FOXK1: variants seen among roughly 807,000 people sequenced by gnomAD.
FOXK1 encodes forkhead box protein K1.
FOXK1 carries 19 observed loss-of-function variants against 51.9 expected under a neutral mutation model. That is an observed-to-expected ratio of 0.37 (90% CI 0.26 to 0.54). The LOEUF (loss-of-function observed/expected upper bound fraction) is 0.54, where lower values mean the gene tolerates loss of function less well. Ranked by LOEUF, FOXK1 falls within the 20% of genes least tolerant of loss-of-function variation. The probability of loss-of-function intolerance (pLI) is 0.87; values close to 1 mark genes in which losing one functional copy is unlikely to be tolerated. For synonymous variants in FOXK1, 537 were observed against 482.6 expected (o/e 1.11, Z -1.48); for missense variants, 870 against 1,032.7 (o/e 0.84, Z 2.16).
chr7:4,747,333 C>T lies in FOXK1; in HGVS notation c.746+6310C>T, dbSNP rs537717069. On this transcript the variant is annotated intron_variant, in intron 2 of 8. Transcript: ENST00000328914. The surrounding 1 kb of genome is among the most constrained non-coding windows in gnomAD (Gnocchi z 9.2). The stretch of plus-strand genomic sequence containing the variant: ...GACACGGAGCTGACCCCGGAACCTG[C>T]CTAGCTGCGGGGCCGCCTCTCCGCT... Among the ~76,000 whole-genome samples the T allele has an allele frequency of 3.9e-5, 6 of 152,318 alleles. No individual in the cohort carries two copies. The highest frequency in any genetic ancestry group is 1.4e-4 in the African/African-American group (6 of 41,568).
intron 1 of FOXK1, among the ~76,000 whole-genome samples, chr7:4,689,565 G>A (rs1205558766): frequency 6.6e-6 from 1 of 152,128 alleles, no homozygotes; most frequent in African/African-American, 2.4e-5. Flanking sequence ...TTACGACGTC[G>A]CATGTTACCT....
intron 1 of FOXK1, among the ~76,000 whole-genome samples, chr7:4,688,310 A>G (rs542211310): frequency 1.1e-3 from 167 of 151,504 alleles, no homozygotes; most frequent in Non-Finnish European, 2.1e-3. Context: ...CACCTAAAAA[A>G]TGAATAATAA....
rs1780881560 is a variant in FOXK1, at chr7:4,758,347, G to C, written c.1245-704G>C. 1 of 152,292 alleles carries C rather than the reference G, an allele frequency of 6.6e-6. No individual in the cohort carries two copies. Among genetic ancestry groups the C allele is most frequent in the African/African-American group, 2.4e-5 (1 of 41,440 alleles). The allele number at this position is 152,292 out of a possible 1,614,324, so 9.4% of individuals were successfully genotyped here. The stretch of plus-strand genomic sequence containing the variant: ...GGAGGAGCATGCACCGCCTGTGAGC[G>C]GTCTGGGCAGCGCTTCCCAGGTTGC... On this transcript the variant is annotated intron_variant, in intron 5 of 8. Coordinates refer to ENST00000328914, the MANE Select transcript of FOXK1 (RefSeq NM_001037165.2). The surrounding 1 kb of genome is among the most constrained non-coding windows in gnomAD (Gnocchi z 4.4).
chr7:4,745,224 G>A lies in FOXK1; in HGVS notation c.746+4201G>A, dbSNP rs1284247116. Among the ~76,000 whole-genome samples, 1 of 152,104 alleles carries A rather than the reference G, an allele frequency of 6.6e-6. No individual in the cohort carries two copies. The highest frequency in any genetic ancestry group is 2.4e-5 in the African/African-American group (1 of 41,410). On this transcript the variant is annotated intron_variant, in intron 2 of 8. Coordinates refer to ENST00000328914, the MANE Select transcript of FOXK1 (RefSeq NM_001037165.2). This position sits in a 1 kb window ranked among gnomAD's most constrained non-coding sequence, Gnocchi z 4.3. ...CCCGCGGTGCCTGCCTTCCTAATTTGGTGTGCATTCGCCTCGCCAGTCCTC... is the reference window on the plus strand; with the variant it reads ...CCCGCGGTGCCTGCCTTCCTAATTTAGTGTGCATTCGCCTCGCCAGTCCTC...
In FOXK1 at chr7:4,770,300, C is replaced by G. The variant is rs1332892486; in HGVS notation, c.*7836C>G. 3 of 152,012 alleles carry G rather than the reference C, an allele frequency of 2.0e-5. No homozygotes were observed. The highest frequency in any genetic ancestry group is 2.1e-4 in the South Asian group (1 of 4,822). The allele number at this position is 152,012 out of a possible 1,614,324, so 9.4% of individuals were successfully genotyped here. A position where few individuals can be genotyped will look rare whatever the true frequency, so the allele number is the denominator to read the frequency against. The stretch of plus-strand genomic sequence containing the variant: ...CCGTAATCCCAGCACTTTGGGAGGC[C>G]GAGGCAGGCGCATCACCTGAGGAGT... On this transcript the variant is annotated 3_prime_UTR_variant, in exon 9 of 9. Coordinates refer to ENST00000328914, the MANE Select transcript of FOXK1 (RefSeq NM_001037165.2).
intron 1 of FOXK1, among the ~76,000 whole-genome samples, chr7:4,717,096 G>A (rs1363272411): frequency 6.7e-6 from 1 of 148,824 alleles, no homozygotes; most frequent in African/African-American, 2.5e-5. Context: ...CGGGAGGCAC[G>A]TGGTTGAGAG....
intron 1 of FOXK1, among the ~76,000 whole-genome samples, chr7:4,699,145 C>T (rs796118967): frequency 1.3e-5 from 2 of 152,284 alleles, no homozygotes; most frequent in South Asian, 4.2e-4. Flanking sequence ...TCATTACTGA[C>T]CTTGACATTT....
chr7:4,762,712 T>G lies in FOXK1; in HGVS notation c.*248T>G. On this transcript the variant is annotated 3_prime_UTR_variant, in exon 9 of 9. Transcript: ENST00000328914. The surrounding 1 kb of genome is among the most constrained non-coding windows in gnomAD (Gnocchi z 5.7). ...CTGGGAATTCTTTGCTTTCCTTTCC[T>G]TCTCCCTCGGCACCACCTCCTCTCC... 4.0e-6 allele frequency: 2 copies of G among 503,424 alleles called. No individual in the cohort carries two copies. The highest frequency in any genetic ancestry group is 3.4e-5 in the East Asian group (1 of 29,064). 31.2% of individuals were successfully genotyped at this position (503,424 alleles called of 1,614,324 possible). A position where few individuals can be genotyped will look rare whatever the true frequency, so the allele number is the denominator to read the frequency against.
At chr7:4,687,222 A>G (rs538136299) in intron 1 of FOXK1, among the ~76,000 whole-genome samples, 33 of 151,820 alleles carry the variant, frequency 2.2e-4, no homozygotes, top group African/African-American at 5.6e-4. Context: ...GTGAGCCACC[A>G]CGCCCGGCCT....
chr7:4,746,121 G>A (rs559323923), intron 2 of FOXK1, among the ~76,000 whole-genome samples: 10 of 152,152 alleles, frequency 6.6e-5, no homozygotes, highest in East Asian at 1.9e-4. Context: ...TTTCTCCAAC[G>A]TGGAGATCAA....
intron 2 of FOXK1, among the ~76,000 whole-genome samples, chr7:4,746,498 A>G (rs574868844): frequency 6.6e-6 from 1 of 151,762 alleles, no homozygotes; most frequent in South Asian, 2.1e-4. Context: ...TGGGCAGCAT[A>G]GTGAGACCCC....
Position 4,761,700 on chromosome 7 carries a change from A to G in FOXK1, c.1921+412A>G, listed in dbSNP as rs927751072. Among the ~76,000 whole-genome samples, 1 of 148,634 alleles carries G rather than the reference A, an allele frequency of 6.7e-6. No individual in the cohort carries two copies. The highest frequency in any genetic ancestry group is 2.5e-5 in the African/African-American group (1 of 40,462). ...TGACTGAGCGAGACCCTGTCCCTTT[A>G]AAAAAAAAGTGGGGGGAAAGAAAAC... On this transcript the variant is annotated intron_variant, in intron 8 of 8. Transcript: ENST00000328914. This position sits in a 1 kb window ranked among gnomAD's most constrained non-coding sequence, Gnocchi z 6.2.
chr7:4,755,138 T>A lies in FOXK1; in HGVS notation c.904-99T>A. On this transcript the variant is annotated intron_variant, in intron 3 of 8. Transcript: ENST00000328914. The surrounding 1 kb of genome is among the most constrained non-coding windows in gnomAD (Gnocchi z 6.6). ...GACGGGTGCCGGCAAGACGCGCACA[T>A]TCTCGTGGGAAGGTTCCTCCCCATC... The A allele has an allele frequency of 6.8e-7, 1 of 1,481,100 alleles. No individual in the cohort carries two copies. Among genetic ancestry groups the A allele is most frequent in the Non-Finnish European group, 9.2e-7 (1 of 1,090,702 alleles). The allele number at this position is 1,481,100 out of a possible 1,614,324, so 91.7% of individuals were successfully genotyped here. A position where few individuals can be genotyped will look rare whatever the true frequency, so the allele number is the denominator to read the frequency against.
At chr7:4,689,170 G>A (rs1377747354) in intron 1 of FOXK1, among the ~76,000 whole-genome samples, 1 of 151,992 alleles carries the variant, frequency 6.6e-6, no homozygotes, top group East Asian at 1.9e-4. Flanking sequence ...TAGAGAGGGG[G>A]TTTCGCCGTG....
At chr7:4,750,623 A>AT (rs1230741148) in intron 2 of FOXK1, among the ~76,000 whole-genome samples, 12 of 150,234 alleles carry the variant, frequency 8.0e-5, no homozygotes, top group Middle Eastern at 3.5e-3. Context: ...TGTTTTCTGT[A>AT]TTTTTTAGTA....
Position 4,761,060 on chromosome 7 carries a change from G to T in FOXK1, c.1697-4G>T. On this transcript the variant is annotated splice_region_variant and splice_polypyrimidine_tract_variant and intron_variant, in intron 7 of 8. Transcript: ENST00000328914. This position sits in a 1 kb window ranked among gnomAD's most constrained non-coding sequence, Gnocchi z 6.2. ...GTGGTGCTGACTTGGTTCCTGTCCC[G>T]CAGGCCTGGAGGAGAAACCCACCAT... The T allele has an allele frequency of 6.2e-7, 1 of 1,608,356 alleles. No homozygotes were observed. Among genetic ancestry groups the T allele is most frequent in the Non-Finnish European group, 8.5e-7 (1 of 1,176,154 alleles).
Position 4,761,197 on chromosome 7 carries a change from G to T in FOXK1, c.1830G>T (p.Val610=). 1 of 1,613,002 alleles carries T rather than the reference G, an allele frequency of 6.2e-7. No individual in the cohort carries two copies. Among genetic ancestry groups the T allele is most frequent in the Non-Finnish European group, 8.5e-7 (1 of 1,180,022 alleles). The change falls in exon 8 of 9, where the codon GTG becomes GTT. Residue 610 remains valine, a synonymous_variant. Coordinates refer to ENST00000328914, the MANE Select transcript of FOXK1 (RefSeq NM_001037165.2). This position sits in a 1 kb window ranked among gnomAD's most constrained non-coding sequence, Gnocchi z 6.2. The part of the protein sequence containing the change: ...TVTILQPATP[V]TLGQHHLPVR... Reference sequence around the variant, plus strand: ...CCATCCTGCAGCCCGCCACACCCGTGACCCTCGGGCAGCACCACCTTCCAG... The same window carrying T: ...CCATCCTGCAGCCCGCCACACCCGTTACCCTCGGGCAGCACCACCTTCCAG...
At chr7:4,718,007 T>C (rs1384444518) in intron 1 of FOXK1, among the ~76,000 whole-genome samples, 1 of 152,298 alleles carries the variant, frequency 6.6e-6, no homozygotes, top group African/African-American at 2.4e-5. Context: ...CTGTGTGCCA[T>C]TTCAGTGTTG....
intron 1 of FOXK1, among the ~76,000 whole-genome samples, chr7:4,693,509 A>G (rs1779918356): frequency 6.6e-6 from 1 of 152,176 alleles, no homozygotes; most frequent in Non-Finnish European, 1.5e-5. Context: ...AATGTACAGT[A>G]ATTTTTTGAT....
Sources: gnomAD v4.1 joint callset for allele counts (sites outside exome capture counted in the v4.1 genomes callset) on GRCh38, gnomAD v4.1.1 for gene constraint, Gnocchi (gnomAD v3.1) non-coding constraint, MANE v1.5 for transcripts, NCBI Gene and HGNC (gene_info 2026-07-23, HGNC 2026-07-21) for gene names.